VPS53: variants seen among roughly 807,000 people sequenced by gnomAD.
VPS53 encodes the protein vacuolar protein sorting-associated protein 53 homolog.
VPS53 carries 70 observed loss-of-function variants against 107.0 expected under a neutral mutation model. That is an observed-to-expected ratio of 0.65 (90% confidence interval 0.54 to 0.80). The LOEUF is 0.80. Ranked by LOEUF, VPS53 falls within the 30% of genes least tolerant of loss-of-function variation. The probability of loss-of-function intolerance (pLI) is 0.00; values close to 1 mark genes in which losing one functional copy is unlikely to be tolerated. For missense variants in VPS53, 917 were observed against 1,049.4 expected (o/e 0.87, Z 1.74); for synonymous variants, 409 against 393.3 (o/e 1.04, Z -0.47).
At chr17:673,142 A>AAAAAC (rs1972032759) in intron 4 of VPS53, among the ~76,000 whole-genome samples, 1 of 151,890 alleles carries the variant, frequency 6.6e-6, no homozygotes, top group African/African-American at 2.4e-5. Context: ...AACAAAAAAA[A>AAAAAC]AACAACGGCA....
intron 7 of VPS53, among the ~76,000 whole-genome samples, chr17:637,567 T>C (rs1970249262): frequency 1.3e-5 from 2 of 152,216 alleles, no homozygotes; most frequent in East Asian, 1.9e-4. Context: ...GTGTTATAAA[T>C]TTCCCTCTAC....
chr17:701,652 A>G (rs1029343397), intron 2 of VPS53, among the ~76,000 whole-genome samples: 4 of 152,156 alleles, frequency 2.6e-5, no homozygotes, highest in African/African-American at 4.8e-5. Flanking sequence ...CTAGGATTAC[A>G]GGTATGAGCC....
chr17:564,349 A>G (rs1185699031), intron 13 of VPS53, among the ~76,000 whole-genome samples: 1 of 152,050 alleles, frequency 6.6e-6, no homozygotes, highest in Non-Finnish European at 1.5e-5. Flanking sequence ...GACCATCCTA[A>G]CACGTTGAAA....
Position 714,781 on chromosome 17 carries a change from G to C in VPS53, c.-72C>G. 3.9e-6 allele frequency: 6 copies of C among 1,546,132 alleles called. No individual in the cohort carries two copies. The highest frequency in any genetic ancestry group is 5.4e-6 in the Non-Finnish European group (6 of 1,120,478). On this transcript the variant is annotated 5_prime_UTR_variant, in exon 1 of 22. Coordinates refer to ENST00000437048, the MANE Select transcript of VPS53 (RefSeq NM_001128159.3). ...GCCTCCAGCCGCCACCCAGGCCCCAGCACAGCAACTCCCTCGCGGCAGCGA... is the reference window on the plus strand; with the variant it reads ...GCCTCCAGCCGCCACCCAGGCCCCACCACAGCAACTCCCTCGCGGCAGCGA...
At chr17:688,014 AGAG>A (rs1972653636) in intron 4 of VPS53, among the ~76,000 whole-genome samples, 1 of 152,214 alleles carries the variant, frequency 6.6e-6, no homozygotes, top group Admixed American at 6.5e-5. Flanking sequence ...CACTGTACAT[AGAG>A]GAGAGAAGAT....
At chr17:697,571 A>G in intron 3 of VPS53, 87 bp from the exon 4 acceptor site, 1 of 1,131,244 alleles carries the variant, frequency 8.8e-7, no homozygotes, top group South Asian at 1.3e-5. Flanking sequence ...TAATTTATTC[A>G]TCAACTTCTG....
intron 13 of VPS53, among the ~76,000 whole-genome samples, chr17:580,221 C>T (rs1212040583): frequency 6.6e-6 from 1 of 151,596 alleles, no homozygotes; most frequent in Non-Finnish European, 1.5e-5. Context: ...AGACAACTTC[C>T]CTCAGAAACT....
At chr17:541,340 G>A (rs887437083) in intron 17 of VPS53, among the ~76,000 whole-genome samples, 12 of 152,208 alleles carry the variant, frequency 7.9e-5, no homozygotes, top group Non-Finnish European at 7.3e-5. Context: ...ACACACTGAA[G>A]GAATGTTTGT....
intron 11 of VPS53, among the ~76,000 whole-genome samples, chr17:619,506 G>A (rs963172142): frequency 6.8e-6 from 1 of 146,904 alleles, no homozygotes; most frequent in African/African-American, 2.5e-5. Context: ...GGATAGCTGG[G>A]ACTACAGGCG....
chr17:644,556 A>G (rs951947226), intron 7 of VPS53, among the ~76,000 whole-genome samples: 1 of 152,014 alleles, frequency 6.6e-6, no homozygotes, highest in Non-Finnish European at 1.5e-5. Context: ...AAAAATAAGA[A>G]GTTGTCTCCT....
chr17:683,506 T>G (rs2143804857), intron 4 of VPS53, among the ~76,000 whole-genome samples: 1 of 152,314 alleles, frequency 6.6e-6, no homozygotes, highest in African/African-American at 2.4e-5. Context: ...GACCGTGTTA[T>G]AAGAAACACT....
At chr17:545,928 A>G (rs1378615484) in intron 17 of VPS53, among the ~76,000 whole-genome samples, 36 of 152,236 alleles carry the variant, frequency 2.4e-4, no homozygotes, top group Admixed American at 2.4e-3. Flanking sequence ...CAAAGTTGGA[A>G]GACTCATACT....
intron 13 of VPS53, among the ~76,000 whole-genome samples, chr17:566,183 G>A (rs546952875): frequency 6.6e-5 from 9 of 136,834 alleles, no homozygotes; most frequent in African/African-American, 1.1e-4. Flanking sequence ...CAGCCTGGGC[G>A]ACAGAGCGAG....
rs141155775 is a variant in VPS53, at chr17:580,972, C to T, written c.1313+5298G>A. On this transcript the variant is annotated intron_variant, in intron 13 of 21. Transcript: ENST00000437048. ...AGAGAACCTCCCACAGAACCTAATGCGTTCCCAGATAACCTCCCTCAGAAC... is the reference window on the plus strand; with the variant it reads ...AGAGAACCTCCCACAGAACCTAATGTGTTCCCAGATAACCTCCCTCAGAAC... 6.9e-3 allele frequency among the ~76,000 whole-genome samples: 1,045 copies of T among 151,826 alleles called. 13 individuals are homozygous for T. The highest frequency in any genetic ancestry group is 0.024 in the African/African-American group (997 of 41,408).
At chr17:689,787 ATGCT>A (rs1236589744) in intron 4 of VPS53, among the ~76,000 whole-genome samples, 3 of 152,108 alleles carry the variant, frequency 2.0e-5, no homozygotes, top group Admixed American at 6.5e-5. Context: ...TTTCGTTCTA[ATGCT>A]TGAATTGCAT....
intron 4 of VPS53, among the ~76,000 whole-genome samples, chr17:663,762 T>C (rs1971567666): frequency 1.3e-5 from 2 of 152,180 alleles, no homozygotes; most frequent in Admixed American, 1.3e-4. Flanking sequence ...ACTCAATGAG[T>C]ATTTACTGAA....
chr17:593,170 A>G (rs571482955), intron 12 of VPS53, among the ~76,000 whole-genome samples: 23 of 152,302 alleles, frequency 1.5e-4, no homozygotes, highest in African/African-American at 5.5e-4. Flanking sequence ...AAGATGGATT[A>G]AAGACTTAAA....
Position 534,459 on chromosome 17 carries a change from C to T in VPS53, c.2016-1548G>A, listed in dbSNP as rs564842914. ...GGAGAGGAAACTGGAGTCCGGAGAT[C>T]GGATCTGGAGGTGGCTTGTGATCAG... On this transcript the variant is annotated intron_variant, in intron 18 of 21. Coordinates refer to ENST00000437048, the MANE Select transcript of VPS53 (RefSeq NM_001128159.3). Among the ~76,000 whole-genome samples, 31 of 152,216 alleles carry T rather than the reference C, an allele frequency of 2.0e-4. No individual in the cohort carries two copies. In the South Asian group the frequency reaches 6.0e-3, roughly 30 times the overall value.
chr17:671,350 G>GAAAGAAAGA (rs1171867470), intron 4 of VPS53, among the ~76,000 whole-genome samples: 5 of 139,272 alleles, frequency 3.6e-5, no homozygotes, highest in Non-Finnish European at 6.2e-5. Context: ...AAAGAGGAAA[G>GAAAGAAAGA]AAAGAAAGAA....
Sources: allele counts gnomAD v4.1 joint callset (sites outside exome capture counted in the v4.1 genomes callset), GRCh38; gene constraint gnomAD v4.1.1; transcripts MANE v1.5; gene names NCBI Gene and HGNC (gene_info 2026-07-23, HGNC 2026-07-21).